The following IMPG1 variants were observed in gnomAD, a reference collection of about 807,000 sequenced individuals.
IMPG1 encodes interphotoreceptor matrix proteoglycan 1.
Under a neutral mutation model 92.0 loss-of-function variants are expected in IMPG1, and 85 were observed. That is an observed-to-expected ratio of 0.92 (90% CI 0.78 to 1.11). The LOEUF is 1.11. IMPG1 is among the 50% of genes least tolerant of loss of function. IMPG1 has a pLI of 0.00. For synonymous variants in IMPG1, 367 were observed against 334.1 expected (o/e 1.10, Z -1.08); for missense variants, 1,022 against 956.0 (o/e 1.07, Z -0.91).
chr6:75,950,421 T>G (rs970783199), intron 13 of IMPG1, 141 bp downstream of exon 13: 1 of 698,464 alleles, frequency 1.4e-6, no homozygotes, highest in African/African-American at 1.8e-5. Flanking sequence ...AAAATTCTAG[T>G]TGAATGTCTT....
intron 12 of IMPG1, among the ~76,000 whole-genome samples, chr6:75,954,405 T>C (rs569818580): frequency 6.6e-6 from 1 of 152,366 alleles, no homozygotes; most frequent in East Asian, 1.9e-4. Flanking sequence ...GCCGCATAAA[T>C]GTCTCCTTTT....
intron 12 of IMPG1, among the ~76,000 whole-genome samples, chr6:75,993,474 AAGAG>A (rs1179463700): frequency 2.0e-5 from 3 of 151,718 alleles, no homozygotes; most frequent in South Asian, 2.1e-4. Context: ...GAGAGAGAGA[AAGAG>A]AGAGAGAAAG....
chr6:76,034,847 C>A, intron 2 of IMPG1, 60 bp from the exon 3 acceptor site: 3 of 1,426,402 alleles, frequency 2.1e-6, no homozygotes, highest in Non-Finnish European at 2.9e-6. Flanking sequence ...CAATCCCAAG[C>A]AAAGTCTAAT....
chr6:76,055,100 A>G (rs1022983493), intron 1 of IMPG1, among the ~76,000 whole-genome samples: 4 of 152,060 alleles, frequency 2.6e-5, no homozygotes, highest in African/African-American at 7.2e-5. Flanking sequence ...CATCATATCT[A>G]CAAGCTATAA....
intron 6 of IMPG1, among the ~76,000 whole-genome samples, chr6:76,020,816 C>T (rs1027980919): frequency 2.0e-5 from 3 of 152,122 alleles, no homozygotes; most frequent in Non-Finnish European, 4.4e-5. Flanking sequence ...TTTTATTTAA[C>T]CCTATATATA....
chr6:76,020,353 G>A (rs191173341), intron 6 of IMPG1, among the ~76,000 whole-genome samples: 60 of 152,210 alleles, frequency 3.9e-4, no homozygotes, highest in Middle Eastern at 3.4e-3. Flanking sequence ...ATGCCTGGCC[G>A]AAATACAATA....
intron 1 of IMPG1, among the ~76,000 whole-genome samples, chr6:76,059,648 T>A (rs1339998526): frequency 6.6e-6 from 1 of 152,188 alleles, no homozygotes; most frequent in Non-Finnish European, 1.5e-5. Flanking sequence ...TAAGTAGATG[T>A]AAGATACAAC....
intron 1 of IMPG1, among the ~76,000 whole-genome samples, chr6:76,072,074 T>G (rs1279907856): frequency 1.3e-5 from 2 of 152,126 alleles, no homozygotes; most frequent in Non-Finnish European, 2.9e-5. Flanking sequence ...TCTTTAGGTT[T>G]TATTTGTTGA....
chr6:76,000,879 G>C (rs140083752), intron 12 of IMPG1, among the ~76,000 whole-genome samples: 1 of 152,342 alleles, frequency 6.6e-6, no homozygotes, highest in African/African-American at 2.4e-5. Context: ...AGAAGAGGCT[G>C]TGGTTTGAGG....
intron 12 of IMPG1, among the ~76,000 whole-genome samples, chr6:75,964,693 A>AAG (rs1554229448): frequency 1.4e-5 from 2 of 142,402 alleles, no homozygotes; most frequent in Admixed American, 7.4e-5. Flanking sequence ...AAAAAAAAAA[A>AAG]AGAGAGAGAG....
intron 2 of IMPG1, among the ~76,000 whole-genome samples, chr6:76,037,296 C>A: frequency 6.6e-6 from 1 of 152,152 alleles, no homozygotes; most frequent in Non-Finnish European, 1.5e-5. Context: ...CAGCAGCAAC[C>A]TGACCAGAAC....
intron 8 of IMPG1, among the ~76,000 whole-genome samples, chr6:76,010,296 T>C (rs1317678888): frequency 6.6e-6 from 1 of 152,256 alleles, no homozygotes; most frequent in East Asian, 1.9e-4. Context: ...CAAAGCTCGT[T>C]TGGGGCAAGA....
At chr6:75,952,382 C>T (rs572340499) in intron 12 of IMPG1, among the ~76,000 whole-genome samples, 1 of 152,238 alleles carries the variant, frequency 6.6e-6, no homozygotes, top group East Asian at 1.9e-4. Context: ...ATTACTAAAA[C>T]CGAAACTCCA....
intron 12 of IMPG1, among the ~76,000 whole-genome samples, chr6:75,994,842 G>A (rs1367697433): frequency 1.3e-5 from 2 of 152,124 alleles, no homozygotes; most frequent in African/African-American, 4.8e-5. Flanking sequence ...ATGGATGTGA[G>A]CTAACAAAAA....
At chr6:75,941,550 C>A (rs191581454) in intron 14 of IMPG1, among the ~76,000 whole-genome samples, 1 of 152,112 alleles carries the variant, frequency 6.6e-6, no homozygotes, top group African/African-American at 2.4e-5. Flanking sequence ...GCTTTCAATG[C>A]CTAAAATATT....
chr6:75,950,769 A>G lies in IMPG1; in HGVS notation c.1617T>C (p.Tyr539=), dbSNP rs751693422. ...APSEVPELSE[Y]VSVPDHFLED... ...CCAAGAAATGATCTGGGACAGAAAC[A>G]TATTCGCTGAGCTCTGGTACCTCAG... The change falls in exon 13 of 17, where the codon TAT becomes TAC. Residue 539 remains tyrosine (Y), a synonymous_variant. Transcript: ENST00000369950. 1.9e-6 allele frequency: 3 copies of G among 1,613,992 alleles called. No homozygotes were observed. The highest frequency in any genetic ancestry group is 1.1e-5 in the South Asian group (1 of 91,086).
At chr6:76,046,237 G>A (rs2127595284) in intron 1 of IMPG1, among the ~76,000 whole-genome samples, 1 of 151,790 alleles carries the variant, frequency 6.6e-6, no homozygotes, top group South Asian at 2.1e-4. Flanking sequence ...CCTACTTTAG[G>A]TAGTTCTAAA....
intron 1 of IMPG1, among the ~76,000 whole-genome samples, chr6:76,069,443 C>A (rs1189020193): frequency 6.6e-6 from 1 of 152,046 alleles, no homozygotes; most frequent in Non-Finnish European, 1.5e-5. Flanking sequence ...AGATATCACA[C>A]AAAATGGAAG....
At chr6:75,958,163 C>T (rs1344228566) in intron 12 of IMPG1, among the ~76,000 whole-genome samples, 1 of 152,134 alleles carries the variant, frequency 6.6e-6, no homozygotes, top group African/African-American at 2.4e-5. Context: ...CTTAGTTTGG[C>T]TGGATATGAA....
Sources: allele counts gnomAD v4.1 joint callset (sites outside exome capture counted in the v4.1 genomes callset), GRCh38; gene constraint gnomAD v4.1.1; transcripts MANE v1.5; gene names NCBI Gene and HGNC (gene_info 2026-07-23, HGNC 2026-07-21).